Variants in NFXL1 observed in about 807,000 individuals in gnomAD.
NFXL1 encodes nuclear transcription factor, X-box binding like 1, also known as NF-X1-type zinc finger protein NFXL1.
In NFXL1, 66 loss-of-function variants were observed where a neutral mutation model predicts 123.3. The ratio of observed to expected loss-of-function variants is 0.54; its 90% CI spans 0.44 to 0.66. The LOEUF (loss-of-function observed/expected upper bound fraction) is 0.66, where lower values mean the gene tolerates loss of function less well. Ranked by LOEUF, NFXL1 falls within the 30% of genes least tolerant of loss-of-function variation. NFXL1 has a pLI of 0.00. For missense variants in NFXL1, 944 were observed against 1,125.6 expected (o/e 0.84, Z 2.31); for synonymous variants, 346 against 360.8 (o/e 0.96, Z 0.46).
chr4:47,848,780 T>G (rs1302797311), intron 22 of NFXL1, among the ~76,000 whole-genome samples: 2 of 151,962 alleles, frequency 1.3e-5, no homozygotes, highest in African/African-American at 4.8e-5. Context: ...TCCCAGCTAC[T>G]CGGGAGGCTA....
chr4:47,849,950 TTA>T (rs1238505078), intron 22 of NFXL1, among the ~76,000 whole-genome samples: 10 of 110,802 alleles, frequency 9.0e-5, no homozygotes, highest in Admixed American at 2.5e-4. Flanking sequence ...TGCGTATTAT[TTA>T]TTTTTTTTTT....
chr4:47,868,638 G>A (rs1735251028), intron 18 of NFXL1, among the ~76,000 whole-genome samples: 1 of 150,320 alleles, frequency 6.7e-6, no homozygotes, highest in Non-Finnish European at 1.5e-5. Flanking sequence ...TAAGAGCAAA[G>A]AAAACGTATC....
intron 4 of NFXL1, among the ~76,000 whole-genome samples, chr4:47,903,800 C>T (rs1545200): frequency 0.83 from 125,737 of 152,160 alleles, 52,172 homozygotes; most frequent in East Asian, 0.98. Flanking sequence ...TATCTCTACA[C>T]AGCCCTTTTG....
chr4:47,884,625 G>A (rs560697836), intron 14 of NFXL1, among the ~76,000 whole-genome samples, 188 bp from the exon 15 acceptor site: 1 of 152,218 alleles, frequency 6.6e-6, no homozygotes, highest in South Asian at 2.1e-4. Flanking sequence ...CCTCTCCACA[G>A]ACATTTGATA....
At chr4:47,852,039 A>G (rs1399268290) in intron 20 of NFXL1, 97 bp from the exon 21 acceptor site, 1 of 716,520 alleles carries the variant, frequency 1.4e-6, no homozygotes, top group Non-Finnish European at 2.5e-6. Context: ...TAAGGTTATA[A>G]GTATTATTTG....
At chr4:47,913,390 A>G (rs897673701) in intron 2 of NFXL1, among the ~76,000 whole-genome samples, 2 of 152,236 alleles carry the variant, frequency 1.3e-5, no homozygotes, top group Admixed American at 6.5e-5. Context: ...CAAGGAAGGT[A>G]TCAAAAGCTC....
chr4:47,867,011 C>A (rs1404722750), intron 18 of NFXL1, among the ~76,000 whole-genome samples: 3 of 152,188 alleles, frequency 2.0e-5, no homozygotes, highest in Non-Finnish European at 1.5e-5. Flanking sequence ...GACTGGTTTG[C>A]CCTACACTTC....
intron 18 of NFXL1, among the ~76,000 whole-genome samples, chr4:47,863,619 T>C (rs934185234): frequency 2.0e-5 from 3 of 152,084 alleles, no homozygotes; most frequent in Non-Finnish European, 4.4e-5. Context: ...GAGGCGGAGG[T>C]TGCAGTGAGT....
rs373708448 is a variant in NFXL1 at position 47,885,534 on chromosome 4, C to T, written c.1788G>A (p.Pro596=). 32 of 1,613,462 alleles carry T rather than the reference C, an allele frequency of 2.0e-5. No homozygotes were observed. The highest frequency in any genetic ancestry group is 8.3e-5 in the Admixed American group (5 of 59,976). ...GCTTTATTAATGCTTGATCATGACA[C>T]GGAGCAGGACACAAGTGACCACATT... The part of the protein sequence containing the change: ...LEKCGHLCPA[P]CHDQALIKQT... The change falls in exon 14 of 23, where the codon CCG becomes CCA. Residue 596 remains proline (P), a synonymous_variant. Coordinates refer to ENST00000507489, the MANE Select transcript of NFXL1 (RefSeq NM_001278624.2).
chr4:47,896,820 G>A, intron 9 of NFXL1, 173 bp from the exon 10 acceptor site: 1 of 536,780 alleles, frequency 1.9e-6, no homozygotes, highest in Non-Finnish European at 3.3e-6. Flanking sequence ...CCTAATATTT[G>A]TGAAGTTTAT....
intron 3 of NFXL1, among the ~76,000 whole-genome samples, chr4:47,910,459 T>C (rs1162242673): frequency 1.3e-5 from 2 of 152,014 alleles, no homozygotes; most frequent in Non-Finnish European, 2.9e-5. Context: ...AATGAATAGA[T>C]TGAAAGGAGT....
chr4:47,905,498 C>T, intron 3 of NFXL1, 152 bp from the exon 4 acceptor site: 1 of 451,386 alleles, frequency 2.2e-6, no homozygotes, highest in South Asian at 3.8e-5. Flanking sequence ...AAAAAGTAAC[C>T]AATGAGCTGT....
intron 2 of NFXL1, among the ~76,000 whole-genome samples, chr4:47,911,615 T>C (rs1170313110): frequency 1.3e-5 from 2 of 152,254 alleles, no homozygotes; most frequent in African/African-American, 2.4e-5. Context: ...TATTTTACAT[T>C]AATCCACACA....
chr4:47,879,985 T>C (rs1175830070), intron 15 of NFXL1, among the ~76,000 whole-genome samples: 1 of 152,066 alleles, frequency 6.6e-6, no homozygotes, highest in Non-Finnish European at 1.5e-5. Flanking sequence ...TCTGGGTAAT[T>C]TGGGTTTAAT....
intron 5 of NFXL1, 79 bp from the exon 6 acceptor site, chr4:47,899,627 T>C (rs1737276631): frequency 6.0e-6 from 5 of 832,454 alleles, no homozygotes; most frequent in Non-Finnish European, 9.6e-6. Flanking sequence ...CTTAACAGAG[T>C]ATATTCTGTT....
chr4:47,885,810 AT>A, intron 13 of NFXL1, 68 bp downstream of exon 13: 1 of 1,542,748 alleles, frequency 6.5e-7, no homozygotes, highest in East Asian at 2.3e-5. Flanking sequence ...AAATTAAATT[AT>A]TAAAAGCCAA....
At chr4:47,887,218 A>C (rs1400300460) in intron 12 of NFXL1, among the ~76,000 whole-genome samples, 2 of 152,176 alleles carry the variant, frequency 1.3e-5, no homozygotes, top group Admixed American at 6.5e-5. Context: ...ATCAGAAATG[A>C]AATAATAAAG....
At chr4:47,912,345 C>A (rs60535228) in intron 2 of NFXL1, among the ~76,000 whole-genome samples, 52,666 of 152,038 alleles carry the variant, frequency 0.35, 10,288 homozygotes, top group Non-Finnish European at 0.44. Context: ...ATGTATTCAC[C>A]TAACATCATC....
chr4:47,913,039 A>C (rs1033108766), intron 2 of NFXL1, among the ~76,000 whole-genome samples: 1 of 144,410 alleles, frequency 6.9e-6, no homozygotes, highest in African/African-American at 2.5e-5. Flanking sequence ...AAAAAAGTTT[A>C]CCAAACCTGT....
Sources: allele counts gnomAD v4.1 joint callset (sites outside exome capture counted in the v4.1 genomes callset), GRCh38; gene constraint gnomAD v4.1.1; transcripts MANE v1.5; gene names NCBI Gene and HGNC (gene_info 2026-07-23, HGNC 2026-07-21).